SIPA1L2: variants seen among roughly 807,000 people sequenced by gnomAD.
SIPA1L2 encodes the protein signal induced proliferation associated 1 like 2, also known as signal-induced proliferation-associated 1-like protein 2.
Under a neutral mutation model 163.9 loss-of-function variants are expected in SIPA1L2, and 56 were observed. That is an observed-to-expected ratio of 0.34 (90% CI 0.28 to 0.43). The LOEUF is 0.43. Among genes scored for constraint, SIPA1L2 ranks in the 20% least tolerant of loss-of-function variants. The probability of loss-of-function intolerance (pLI) is 1.00; values close to 1 mark genes in which losing one functional copy is unlikely to be tolerated. For synonymous variants in SIPA1L2, 877 were observed against 865.7 expected, an observed-to-expected ratio of 1.01 and a Z score of -0.23; for missense variants, 1,974 against 2,193.5, an observed-to-expected ratio of 0.90 and a Z score of 2.00.
chr1:232,612,162 A>G (rs1026539624), intron 1 of SIPA1L2, among the ~76,000 whole-genome samples: 1 of 152,234 alleles, frequency 6.6e-6, no homozygotes, highest in Admixed American at 6.5e-5. Context: ...ACCTCAGCCT[A>G]GATTTCGCAG....
intron 3 of SIPA1L2, among the ~76,000 whole-genome samples, chr1:232,503,496 C>T (rs1040019504): frequency 6.6e-6 from 1 of 152,164 alleles, no homozygotes; most frequent in African/African-American, 2.4e-5. Context: ...AGGCCAGGTA[C>T]GTAAAAGACA....
intron 22 of SIPA1L2, among the ~76,000 whole-genome samples, chr1:232,400,543 C>T (rs752643420): frequency 6.6e-6 from 1 of 152,174 alleles, no homozygotes; most frequent in African/African-American, 2.4e-5. Context: ...CAGATCTCCA[C>T]TACTTCCTAC....
chr1:232,473,079 T>C (rs1235578023), intron 7 of SIPA1L2, among the ~76,000 whole-genome samples: 4 of 152,236 alleles, frequency 2.6e-5, no homozygotes, highest in Non-Finnish European at 5.9e-5. Flanking sequence ...CATTTAAATA[T>C]GTAGTTTTTA....
chr1:232,442,266 A>AC (rs771021960), intron 12 of SIPA1L2, among the ~76,000 whole-genome samples: 1 of 151,686 alleles, frequency 6.6e-6, no homozygotes, highest in South Asian at 2.1e-4. Context: ...AAAAAAAAAA[A>AC]GGGCCGGGCA....
intron 6 of SIPA1L2, among the ~76,000 whole-genome samples, chr1:232,482,058 T>G (rs1665388997): frequency 6.6e-6 from 1 of 152,240 alleles, no homozygotes; most frequent in African/African-American, 2.4e-5. Flanking sequence ...TCTCACAGAA[T>G]GCCTTGCTCA....
At chr1:232,413,398 C>T (rs191242604) in intron 19 of SIPA1L2, among the ~76,000 whole-genome samples, 220 of 152,008 alleles carry the variant, frequency 1.4e-3, no homozygotes, top group Non-Finnish European at 2.8e-3. Flanking sequence ...CTTCTCTAAT[C>T]CCCTGGAAAA....
At position 232,564,412 on chromosome 1, in the gene SIPA1L2, C is replaced by T. The variant is rs144731335; in HGVS notation, c.-270+9762G>A. Among the ~76,000 whole-genome samples, 4 of 151,918 alleles carry T rather than the reference C, an allele frequency of 2.6e-5. No homozygotes were observed. The East Asian group carries it at 7.8e-4, about 30-fold the overall frequency. The stretch of plus-strand genomic sequence containing the variant: ...TTTTTAGACCCCATCAGGTCGACTG[C>T]TCAGGCCACAGAGGCAGAAAACAAA... On this transcript the variant is annotated intron_variant, in intron 2 of 22. Coordinates refer to ENST00000674635, the MANE Select transcript of SIPA1L2 (RefSeq NM_020808.5).
At chr1:232,520,440 G>T (rs1229034829) in intron 2 of SIPA1L2, among the ~76,000 whole-genome samples, 1 of 152,224 alleles carries the variant, frequency 6.6e-6, no homozygotes, top group African/African-American at 2.4e-5. Context: ...GGATAGAAAA[G>T]AAATGGAGAG....
chr1:232,444,904 A>G (rs1271375987), intron 11 of SIPA1L2, among the ~76,000 whole-genome samples: 1 of 152,234 alleles, frequency 6.6e-6, no homozygotes, highest in African/African-American at 2.4e-5. Context: ...GTTAGAATAA[A>G]AGGAGTACGA....
rs201808620 is a variant in SIPA1L2 at position 232,445,734 on chromosome 1, C to T, written c.3148G>A (p.Glu1050Lys). 28 of 1,613,498 alleles carry T rather than the reference C, an allele frequency of 1.7e-5. No individual in the cohort carries two copies. Among genetic ancestry groups the T allele is most frequent in the Admixed American group, 6.7e-5 (4 of 59,962 alleles). Residue 1050 changes from glutamate (E) to lysine (K), a missense_variant, in exon 11 of 23, where the codon GAG becomes AAG. Coordinates refer to ENST00000674635, the MANE Select transcript of SIPA1L2 (RefSeq NM_020808.5). ...IPMVEYKLDS[E>K]GTPCEYKTPF... ...GTTTTATACTCGCAGGGGGTGCCCT[C>T]GCTGTCGAGTTTATATTCCACCATA... is the stretch of plus-strand genomic sequence containing the variant.
At chr1:232,422,964 G>A (rs907698142) in intron 18 of SIPA1L2, among the ~76,000 whole-genome samples, 1 of 152,112 alleles carries the variant, frequency 6.6e-6, no homozygotes, top group African/African-American at 2.4e-5. Flanking sequence ...TCTTAATGGT[G>A]CAAAAGTGAT....
At position 232,512,510 on chromosome 1, in the gene SIPA1L2, T is replaced by C. The variant is rs118102974; in HGVS notation, c.1483+1347A>G. 3.3e-5 allele frequency among the ~76,000 whole-genome samples: 5 copies of C among 152,218 alleles called. No homozygotes were observed. In the East Asian group the frequency reaches 7.7e-4, roughly 24 times the overall value. On this transcript the variant is annotated intron_variant, in intron 3 of 22. Transcript: ENST00000674635. ...GATAGACTAGATAAAGAAACTACCA[T>C]ACATATACACCATGGATACTATGTA...
Position 232,461,087 on chromosome 1 carries a change from C to T in SIPA1L2, c.2895G>A (p.Val965=). The change falls in exon 10 of 23, where the codon GTG becomes GTA. Residue 965 remains valine (V), a synonymous_variant. Coordinates refer to ENST00000674635, the MANE Select transcript of SIPA1L2 (RefSeq NM_020808.5). ...CATCTGCGACAATTCCTTCAAAATT[C>T]ACATGGAAGCCAAGCTGGCCCAGCC... ...RNGLGQLGFH[V]NFEGIVADVE... 6.2e-6 allele frequency: 10 copies of T among 1,614,274 alleles called. No homozygotes were observed. The highest frequency in any genetic ancestry group is 8.5e-6 in the Non-Finnish European group (10 of 1,180,048).
intron 10 of SIPA1L2, among the ~76,000 whole-genome samples, chr1:232,452,535 C>T (rs1055110336): frequency 2.0e-5 from 3 of 152,212 alleles, no homozygotes; most frequent in Admixed American, 6.5e-5. Context: ...TCCTTTCCAA[C>T]AACACCTTGA....
At chr1:232,537,652 G>A (rs1164680920) in intron 2 of SIPA1L2, among the ~76,000 whole-genome samples, 1 of 152,174 alleles carries the variant, frequency 6.6e-6, no homozygotes, top group African/African-American at 2.4e-5. Context: ...GGAGTCAGAC[G>A]CCAAGGTCAG....
intron 10 of SIPA1L2, among the ~76,000 whole-genome samples, chr1:232,452,632 T>C (rs1663652290): frequency 6.6e-6 from 1 of 152,242 alleles, no homozygotes; most frequent in African/African-American, 2.4e-5. Context: ...GACTTGGTTC[T>C]AAATCATGTC....
intron 2 of SIPA1L2, among the ~76,000 whole-genome samples, chr1:232,525,337 G>A (rs890518846): frequency 3.5e-5 from 5 of 143,810 alleles, no homozygotes; most frequent in Admixed American, 7.3e-5. Context: ...CCTGGTTCAA[G>A]CAATTCCTCT....
intron 1 of SIPA1L2, among the ~76,000 whole-genome samples, chr1:232,583,203 A>G (rs1012409790): frequency 2.6e-5 from 4 of 152,198 alleles, no homozygotes; most frequent in Admixed American, 2.6e-4. Flanking sequence ...ACAAATAATG[A>G]TATCATTTTA....
At chr1:232,479,547 C>T in intron 7 of SIPA1L2, 80 bp downstream of exon 7, 1 of 1,081,404 alleles carries the variant, frequency 9.2e-7, no homozygotes, top group Non-Finnish European at 1.4e-6. Context: ...TTTGCAAGTT[C>T]TACATGCATC....
Sources: allele counts gnomAD v4.1 joint callset (sites outside exome capture counted in the v4.1 genomes callset), GRCh38; gene constraint gnomAD v4.1.1; transcripts MANE v1.5; gene names NCBI Gene and HGNC (gene_info 2026-07-23, HGNC 2026-07-21).